The following DGKQ variants were observed in gnomAD, a reference collection of about 807,000 sequenced individuals.
DGKQ encodes the protein DAG kinase theta.
DGKQ carries 97 observed loss-of-function variants against 104.2 expected under a neutral mutation model. That is an observed-to-expected ratio of 0.93 (90% CI 0.79 to 1.10). The LOEUF is 1.10. DGKQ is among the 50% of genes least tolerant of loss of function. The probability of loss-of-function intolerance (pLI) is 0.00; values close to 1 mark genes in which losing one functional copy is unlikely to be tolerated. For synonymous variants in DGKQ, 736 were observed against 595.2 expected, an observed-to-expected ratio of 1.24 and a Z score of -3.44; for missense variants, 1,465 against 1,352.1, an observed-to-expected ratio of 1.08 and a Z score of -1.31.
intron 15 of DGKQ, 22 bp downstream of exon 15, chr4:965,154 G>A: frequency 6.2e-7 from 1 of 1,606,106 alleles, no homozygotes. Context: ...TGTGTGAAGA[G>A]CCGGCTTGAC....
intron 11 of DGKQ, 33 bp from the exon 12 acceptor site, chr4:966,560 C>T (rs930417920): frequency 2.0e-5 from 32 of 1,600,044 alleles, no homozygotes; most frequent in Non-Finnish European, 2.6e-5. Flanking sequence ...CGTCAGCACC[C>T]GGCTCCTCGC....
chr4:967,777 C>T lies in DGKQ; in HGVS notation c.837G>A (p.Gly279=). The change falls in exon 7 of 23, where the codon GGG becomes GGA. Residue 279 remains glycine (G), a synonymous_variant. Transcript: ENST00000273814. The part of the protein sequence containing the change: ...EPGEGGDGAD[G]SAAVGPGRET... ...CTCTGCCTGGACCCACGGCAGCGCTCCCGTCGGCGCCGTCGCCCCCCTCGC... is the reference window on the plus strand; with the variant it reads ...CTCTGCCTGGACCCACGGCAGCGCTTCCGTCGGCGCCGTCGCCCCCCTCGC... 1.2e-6 allele frequency: 2 copies of T among 1,606,298 alleles called. No homozygotes were observed. The highest frequency in any genetic ancestry group is 2.2e-5 in the South Asian group (2 of 90,442).
Position 962,553 on chromosome 4 carries a change from G to C in DGKQ, c.2096C>G (p.Ser699Cys), listed in dbSNP as rs772812460. Reference sequence around the variant, plus strand: ...GGCCTCGTCCACAGACAGCAGTACGGAGAACGGGTCCTCGCCGCTGTAGCC... The same window carrying C: ...GGCCTCGTCCACAGACAGCAGTACGCAGAACGGGTCCTCGCCGCTGTAGCC... ...GAGYSGEDPF[S>C]VLLSVDEADA... Residue 699 changes from serine (S) to cysteine (C), a missense_variant, in exon 18 of 23, where the codon TCC becomes TGC. Transcript: ENST00000273814. 6 of 1,610,336 alleles carry C rather than the reference G, an allele frequency of 3.7e-6. No homozygotes were observed. The South Asian group carries it at 6.6e-5, about 18-fold the overall frequency.
At chr4:966,348 A>G in intron 12 of DGKQ, 118 bp downstream of exon 12, 2 of 1,192,886 alleles carry the variant, frequency 1.7e-6, no homozygotes, top group Non-Finnish European at 2.4e-6. Context: ...CCTGTCAGCC[A>G]GGACAGCCGC....
In DGKQ at chr4:962,099, C is replaced by G. The variant is rs906233245; in HGVS notation, c.2215-17G>C. 3 of 1,604,746 alleles carry G rather than the reference C, an allele frequency of 1.9e-6. No homozygotes were observed. Among genetic ancestry groups the G allele is most frequent in the Admixed American group, 3.3e-5 (2 of 60,010 alleles). On this transcript the variant is annotated splice_polypyrimidine_tract_variant and intron_variant, in intron 18 of 22. Transcript: ENST00000273814. ...CTGCACGATCTGGGGACAGGGCGTT[C>G]ATCTCCCAGGACCCGGCCGCCCTCA...
chr4:968,826 C>T lies in DGKQ; in HGVS notation c.436G>A (p.Ala146Thr). Residue 146 changes from alanine to threonine, a missense_variant, in exon 3 of 23, where the codon GCG (alanine) becomes ACG (threonine). Ala to Thr is a moderately conservative substitution (Grantham distance 58). Coordinates refer to ENST00000273814, the MANE Select transcript of DGKQ (RefSeq NM_001347.4). ...AVCRKVLEAP[A>T]LHCEVCELHL... The stretch of plus-strand genomic sequence containing the variant: ...CTCCAGGTACCTTCGCAGTGGAGCG[C>T]CGGTGCCTCCAGGACCTTGCGGCAG... 6.2e-7 allele frequency: 1 copy of T among 1,610,790 alleles called. No individual in the cohort carries two copies. The highest frequency in any genetic ancestry group is 1.1e-5 in the South Asian group (1 of 90,818).
chr4:968,458 C>A, intron 4 of DGKQ, 21 bp downstream of exon 4: 1 of 1,598,516 alleles, frequency 6.3e-7, no homozygotes, highest in Non-Finnish European at 8.5e-7. Flanking sequence ...CCCCAGGGCT[C>A]CCTGGGGCCG....
Position 960,801 on chromosome 4 carries a change from G to A in DGKQ, c.2728-80C>T, listed in dbSNP as rs986910646. On this transcript the variant is annotated intron_variant, in intron 22 of 22. Coordinates refer to ENST00000273814, the MANE Select transcript of DGKQ (RefSeq NM_001347.4). The stretch of plus-strand genomic sequence containing the variant: ...TACACGGGCAGCCCCCGGTCCTGGG[G>A]CCCCGGGCAGCTGATGCCATCTCAG... 5 of 1,552,792 alleles carry A rather than the reference G, an allele frequency of 3.2e-6. No individual in the cohort carries two copies. The African/African-American group carries it at 4.1e-5, about 13-fold the overall frequency.
intron 2 of DGKQ, among the ~76,000 whole-genome samples, chr4:969,573 C>T (rs1444003603): frequency 6.6e-6 from 1 of 152,042 alleles, no homozygotes; most frequent in African/African-American, 2.4e-5. Context: ...GTGAGCATGC[C>T]AGGATGGCGG....
At position 967,859 on chromosome 4, in the gene DGKQ, C is replaced by CCCGG. The variant is rs1177534053; in HGVS notation, c.811+17_811+20dup. On this transcript the variant is annotated intron_variant, in intron 6 of 22. Transcript: ENST00000273814. ...GTGCGCAGCCCCCAGCCCAGGGCGCCCCGGCCGGCCCGCACCTCACCCGGC... is the reference window on the plus strand; with the variant it reads ...GTGCGCAGCCCCCAGCCCAGGGCGCCCCGGCCGGCCGGCCCGCACCTCACCCGGC... 6.1e-6 allele frequency: 9 copies of CCCGG among 1,476,830 alleles called. No individual in the cohort carries two copies. The South Asian group carries it at 1.1e-4, about 18-fold the overall frequency. The allele number at this position is 1,476,830 out of a possible 1,614,324, so 91.5% of individuals were successfully genotyped here. A position where few individuals can be genotyped will look rare whatever the true frequency, so the allele number is the denominator to read the frequency against.
rs188240942 is a variant in DGKQ at position 964,338 on chromosome 4, G to A, written c.1734+838C>T. On this transcript the variant is annotated intron_variant, in intron 15 of 22. Coordinates refer to ENST00000273814, the MANE Select transcript of DGKQ (RefSeq NM_001347.4). ...CGCCTGGACTGGGGTCACGATCAAG[G>A]GTCAAGGTTCAGGGGTAGAACAGCC... Among the ~76,000 whole-genome samples, 225 of 152,328 alleles carry A rather than the reference G, an allele frequency of 1.5e-3. 1 individual carries two copies. The highest frequency in any genetic ancestry group is 1.3e-4 in the Non-Finnish European group (9 of 68,026).
intron 15 of DGKQ, among the ~76,000 whole-genome samples, chr4:964,730 T>C (rs926052908): frequency 6.6e-6 from 1 of 152,184 alleles, no homozygotes; most frequent in Non-Finnish European, 1.5e-5. Flanking sequence ...GGAGTGAGGC[T>C]GAGGCTGTAC....
Position 963,301 on chromosome 4 carries a change from G to A in DGKQ, c.1735-11C>T, listed in dbSNP as rs771602327. The stretch of plus-strand genomic sequence containing the variant: ...GGGCAGCTTCGCGTGCTGACAGACA[G>A]GGGGCTGGGTTAGGATGGGGACCCA... On this transcript the variant is annotated splice_polypyrimidine_tract_variant and intron_variant, in intron 15 of 22. Transcript: ENST00000273814. 10 of 1,596,592 alleles carry A rather than the reference G, an allele frequency of 6.3e-6. No homozygotes were observed. In the Admixed American group the frequency reaches 8.4e-5, roughly 13 times the overall value.
Position 965,594 on chromosome 4 carries a change from C to T in DGKQ, c.1580-65G>A, listed in dbSNP as rs1192657626. 4 of 1,564,106 alleles carry T rather than the reference C, an allele frequency of 2.6e-6. No homozygotes were observed. In the African/African-American group the frequency reaches 5.4e-5, roughly 21 times the overall value. On this transcript the variant is annotated intron_variant, in intron 13 of 22. Transcript: ENST00000273814. ...GGACACACAGCACTGGGGCCAGGGA[C>T]AGCCCCTCCGCCTGTCCAGGGGTGA...
chr4:962,567 G>C lies in DGKQ; in HGVS notation c.2082C>G (p.Gly694=), dbSNP rs777017632. 1 of 1,609,772 alleles carries C rather than the reference G, an allele frequency of 6.2e-7. No homozygotes were observed. The highest frequency in any genetic ancestry group is 8.5e-7 in the Non-Finnish European group (1 of 1,179,904). ...RVLRWGAGYS[G]EDPFSVLLSV... is the part of the protein sequence containing the mutation. ...ACAGCAGTACGGAGAACGGGTCCTCGCCGCTGTAGCCCGCCCCCCAGCGGA... is the reference window on the plus strand; with the variant it reads ...ACAGCAGTACGGAGAACGGGTCCTCCCCGCTGTAGCCCGCCCCCCAGCGGA... The change falls in exon 18 of 23, where the codon GGC becomes GGG. Residue 694 remains glycine, a synonymous_variant. Transcript: ENST00000273814.
In DGKQ at chr4:966,805, G is replaced by A. The variant is rs1054359452; in HGVS notation, c.1312-3C>T. On this transcript the variant is annotated splice_polypyrimidine_tract_variant and splice_region_variant and intron_variant, in intron 10 of 22. Transcript: ENST00000273814. ...TGGAAGCTCTCGGGACTCTCGGCCTGTTGGGGTAGAGCTTGGCATCGGGTC... is the reference window on the plus strand; with the variant it reads ...TGGAAGCTCTCGGGACTCTCGGCCTATTGGGGTAGAGCTTGGCATCGGGTC... The A allele has an allele frequency of 2.5e-6, 4 of 1,608,976 alleles. No homozygotes were observed. The highest frequency in any genetic ancestry group is 2.7e-5 in the African/African-American group (2 of 74,976).
At position 973,283 on chromosome 4, in the gene DGKQ, G is replaced by A. The variant is rs369795656; in HGVS notation, c.200C>T (p.Thr67Met). 8,192 of 1,534,700 alleles carry A rather than the reference G, an allele frequency of 5.3e-3. 477 individuals are homozygous for A. The South Asian group carries it at 0.092, about 17-fold the overall frequency. The change falls in exon 1 of 23, where the codon ACG becomes ATG. Residue 67 changes from threonine to methionine, a missense_variant. By Grantham distance (81) the Thr-to-Met change is moderately conservative (BLOSUM62 -1). Coordinates refer to ENST00000273814, the MANE Select transcript of DGKQ (RefSeq NM_001347.4). ...GTGGCAGAAGGTGGGCTTGGTGAGC[G>A]TCACCTTCCGGAAGCTGTGTCCCGG... ...AAPGHSFRKV[T>M]LTKPTFCHLC... is the part of the protein sequence containing the mutation.
In DGKQ at chr4:968,550, G is replaced by C; in HGVS notation, c.466C>G (p.Leu156Val). 6.2e-7 allele frequency: 1 copy of C among 1,608,732 alleles called. No individual in the cohort carries two copies. The highest frequency in any genetic ancestry group is 8.5e-7 in the Non-Finnish European group (1 of 1,178,100). Residue 156 changes from leucine to valine, a missense_variant, in exon 4 of 23, where the codon CTC becomes GTC. Coordinates refer to ENST00000273814, the MANE Select transcript of DGKQ (RefSeq NM_001347.4). ...ALHCEVCELH[L>V]HPDCVPFACS... ...GCGAAGGGCACACAGTCTGGGTGGA[G>C]GTGCAGCTCACACACTGGGGGGCAG...
In DGKQ at chr4:962,796, C is replaced by G. The variant is rs1009233529; in HGVS notation, c.2011G>C (p.Val671Leu). ...CCTGTGCCCAGGGGCAGGATGGCCA[C>G]AGAAGGCTCCGGGCAGGCCAGTCGG... ...RYRLACPEPSVAILPLGTGND... is the reference protein window; with the variant it reads ...RYRLACPEPSLAILPLGTGND... Residue 671 changes from valine to leucine, a missense_variant, in exon 17 of 23, where the codon GTG (valine) becomes CTG (leucine). By Grantham distance (32) the Val-to-Leu change is conservative. Transcript: ENST00000273814. The G allele has an allele frequency of 1.9e-6, 3 of 1,606,156 alleles. No homozygotes were observed. The East Asian group carries it at 6.7e-5, about 36-fold the overall frequency.
Sources: allele counts gnomAD v4.1 joint callset (sites outside exome capture counted in the v4.1 genomes callset), GRCh38; gene constraint gnomAD v4.1.1; transcripts MANE v1.5; gene names NCBI Gene and HGNC (gene_info 2026-07-23, HGNC 2026-07-21).